Variants in ROR1 observed in about 807,000 individuals in gnomAD.
The protein encoded by ROR1 is ROR family WNT receptor 1, also known as inactive tyrosine-protein kinase transmembrane receptor ROR1.
A neutral mutation model predicts 78.8 loss-of-function variants in ROR1; 19 were observed. The ratio of observed to expected loss-of-function variants is 0.24; its 90% CI spans 0.17 to 0.35. The LOEUF (loss-of-function observed/expected upper bound fraction) is 0.35, where lower values mean the gene tolerates loss of function less well. ROR1 is among the 10% of genes least tolerant of loss of function. The probability of loss-of-function intolerance (pLI) is 1.00; values close to 1 mark genes in which losing one functional copy is unlikely to be tolerated. For missense variants in ROR1, 917 were observed against 1,177.8 expected (o/e 0.78, Z 3.24); for synonymous variants, 386 against 433.6 (o/e 0.89, Z 1.36).
intron 1 of ROR1, among the ~76,000 whole-genome samples, chr1:63,863,814 C>T (rs17125676): frequency 0.059 from 8,622 of 145,774 alleles, 618 homozygotes; most frequent in African/African-American, 0.17. Context: ...TCATAGATGG[C>T]GATACTTGTT....
rs529183485 is a variant in ROR1 at position 64,105,546 on chromosome 1, A to G, written c.483-31823A>G. On this transcript the variant is annotated intron_variant, in intron 4 of 8. Coordinates refer to ENST00000371079, the MANE Select transcript of ROR1 (RefSeq NM_005012.4). ...GTCTTTGCCCATGCCTATGTCCTGA[A>G]TGGTATTGCCTAGGTTTTCTTCTAG... 10 of 152,218 alleles carry G rather than the reference A, an allele frequency of 6.6e-5. No homozygotes were observed. The South Asian group carries it at 1.9e-3, about 28-fold the overall frequency. The allele number at this position is 152,218 out of a possible 1,614,324, so 9.4% of individuals were successfully genotyped here. A position where few individuals can be genotyped will look rare whatever the true frequency, so the allele number is the denominator to read the frequency against.
At chr1:64,105,058 A>G (rs1325325827) in intron 4 of ROR1, among the ~76,000 whole-genome samples, 1 of 152,184 alleles carries the variant, frequency 6.6e-6, no homozygotes, top group African/African-American at 2.4e-5. Context: ...CAATGGTTGA[A>G]CTAATTTACG....
intron 1 of ROR1, among the ~76,000 whole-genome samples, chr1:63,977,593 G>T (rs1371535675): frequency 2.6e-5 from 4 of 152,182 alleles, no homozygotes. Flanking sequence ...AGAAGTTCAT[G>T]CAGCTTAGAA....
chr1:63,831,497 G>A (rs1057127137), intron 1 of ROR1, among the ~76,000 whole-genome samples: 2 of 152,240 alleles, frequency 1.3e-5, no homozygotes, highest in Non-Finnish European at 2.9e-5. Context: ...CAATGCCTGA[G>A]CTGTACTTTG....
chr1:63,939,960 G>A (rs966390130), intron 1 of ROR1, among the ~76,000 whole-genome samples: 2 of 152,134 alleles, frequency 1.3e-5, no homozygotes, highest in Non-Finnish European at 2.9e-5. Context: ...TCTTGTGAAG[G>A]AAGAAACATG....
chr1:64,094,314 A>T (rs1004294319), intron 4 of ROR1: 1 of 152,056 alleles, frequency 6.6e-6, no homozygotes, highest in African/African-American at 2.4e-5. Flanking sequence ...AGAAACCATG[A>T]TTTTGATGTT....
intron 1 of ROR1, among the ~76,000 whole-genome samples, chr1:63,817,572 T>C (rs965901417): frequency 2.0e-5 from 3 of 152,212 alleles, no homozygotes; most frequent in African/African-American, 7.2e-5. Context: ...ATCATTAGCA[T>C]GCTCTGGTAC....
intron 1 of ROR1, chr1:63,843,569 A>G: frequency 1.4e-6 from 1 of 725,674 alleles, no homozygotes; most frequent in Non-Finnish European, 2.5e-6. Context: ...TGTCCTCACT[A>G]AGGCAGAAGA....
At chr1:64,064,705 T>C (rs755172999) in intron 4 of ROR1, among the ~76,000 whole-genome samples, 1 of 152,146 alleles carries the variant, frequency 6.6e-6, no homozygotes, top group Non-Finnish European at 1.5e-5. Context: ...CAGTTTGGAT[T>C]GTGGAACTGA....
chr1:63,905,258 G>A (rs1569888386), intron 1 of ROR1, among the ~76,000 whole-genome samples: 1 of 152,120 alleles, frequency 6.6e-6, no homozygotes, highest in Non-Finnish European at 1.5e-5. Context: ...AATTCTATAA[G>A]CAATGTGGAC....
chr1:64,036,514 A>G (rs924060148), intron 2 of ROR1, among the ~76,000 whole-genome samples: 1 of 152,114 alleles, frequency 6.6e-6, no homozygotes, highest in Admixed American at 6.5e-5. Context: ...TCTTGGGTCT[A>G]TTCTTTCCTA....
At chr1:64,139,723 G>A (rs1649239597) in intron 5 of ROR1, among the ~76,000 whole-genome samples, 1 of 152,114 alleles carries the variant, frequency 6.6e-6, no homozygotes, top group South Asian at 2.1e-4. Flanking sequence ...CAGCCACTGC[G>A]GAAACAAGTT....
At chr1:63,840,579 G>A (rs1206385191) in intron 1 of ROR1, among the ~76,000 whole-genome samples, 1 of 152,086 alleles carries the variant, frequency 6.6e-6, no homozygotes, top group East Asian at 1.9e-4. Flanking sequence ...ACTGCACCTG[G>A]CCTTGTTTAG....
rs149781597 is a variant in ROR1, at chr1:63,886,778, C to T, written c.91+112270C>T. Among the ~76,000 whole-genome samples, 937 of 152,224 alleles carry T rather than the reference C, an allele frequency of 6.2e-3. 14 individuals carry two copies. Among genetic ancestry groups the T allele is most frequent in the African/African-American group, 0.022 (896 of 41,548 alleles). ...ATTAGGAGAGAAAACCCTCCATACT[C>T]GACCACCCACCTCCACACTGGCACA... On this transcript the variant is annotated intron_variant, in intron 1 of 8. Coordinates refer to ENST00000371079, the MANE Select transcript of ROR1 (RefSeq NM_005012.4).
At chr1:64,122,178 G>A (rs4110907) in intron 4 of ROR1, among the ~76,000 whole-genome samples, 138 of 152,328 alleles carry the variant, frequency 9.1e-4, no homozygotes, top group Admixed American at 8.2e-3. Flanking sequence ...TTGTGAGCTA[G>A]CTTATGAGTC....
chr1:63,911,048 C>A (rs2100416503), intron 1 of ROR1, among the ~76,000 whole-genome samples: 1 of 152,324 alleles, frequency 6.6e-6, no homozygotes, highest in Non-Finnish European at 1.5e-5. Flanking sequence ...ATTGCCTGGC[C>A]TTCAGGTGTC....
At chr1:63,979,967 G>T (rs1286808645) in intron 1 of ROR1, among the ~76,000 whole-genome samples, 2 of 152,054 alleles carry the variant, frequency 1.3e-5, no homozygotes, top group African/African-American at 4.8e-5. Context: ...CAAACACTGT[G>T]GAATAGCTGC....
chr1:64,064,130 G>A (rs1167272952), intron 4 of ROR1, among the ~76,000 whole-genome samples: 1 of 152,216 alleles, frequency 6.6e-6, no homozygotes, highest in Non-Finnish European at 1.5e-5. Context: ...TTACACAGGT[G>A]ATGAAGTTTG....
intron 1 of ROR1, among the ~76,000 whole-genome samples, chr1:63,840,205 T>C (rs1464130505): frequency 6.6e-6 from 1 of 152,046 alleles, no homozygotes; most frequent in Non-Finnish European, 1.5e-5. Flanking sequence ...CATTAAATCT[T>C]CCTCCCTTTA....
Sources: gnomAD v4.1 joint callset for allele counts (sites outside exome capture counted in the v4.1 genomes callset) on GRCh38, gnomAD v4.1.1 for gene constraint, MANE v1.5 for transcripts, NCBI Gene and HGNC (gene_info 2026-07-23, HGNC 2026-07-21) for gene names.